WIPI1: variants seen among roughly 807,000 people sequenced by gnomAD.
WIPI1 encodes WD repeat domain, phosphoinositide interacting 1, also known as WD repeat domain phosphoinositide-interacting protein 1.
A neutral mutation model predicts 55.3 loss-of-function variants in WIPI1; 45 were observed. The ratio of observed to expected loss-of-function variants is 0.81; its 90% CI spans 0.64 to 1.04. WIPI1 has a LOEUF of 1.04. WIPI1 is among the 50% of genes least tolerant of loss of function. The pLI, the probability that WIPI1 is intolerant of heterozygous loss-of-function variation, is 0.00. For missense variants in WIPI1, 445 were observed against 559.0 expected, an observed-to-expected ratio of 0.80 and a Z score of 2.06; for synonymous variants, 195 against 217.6, an observed-to-expected ratio of 0.90 and a Z score of 0.92.
At chr17:68,428,380 C>T (rs893844120) in intron 10 of WIPI1, 4 of 172,822 alleles carry the variant, frequency 2.3e-5, no homozygotes, top group African/African-American at 9.6e-5. Context: ...AGGTGTGTGC[C>T]ACCACAACCG....
intron 3 of WIPI1, among the ~76,000 whole-genome samples, chr17:68,446,319 T>C (rs1269204868): frequency 2.0e-5 from 3 of 152,062 alleles, no homozygotes; most frequent in Admixed American, 6.6e-5. Flanking sequence ...TGGCAGGGAC[T>C]ACAGGTGTGC....
At position 68,457,394 on chromosome 17, in the gene WIPI1, G is replaced by A. The variant is rs1435317687; in HGVS notation, c.28C>T (p.Pro10Ser). The A allele has an allele frequency of 5.2e-6, 8 of 1,534,506 alleles. No homozygotes were observed. Among genetic ancestry groups the A allele is most frequent in the Non-Finnish European group, 7.0e-6 (8 of 1,141,956 alleles). ...CTGAGCGCCGACTCAACCCCGCCCG[G>A]GGGAGCGTCCGCGGCCTCGGCCTCC... MEAEAADAP[P>S]GGVESALSCF... The change falls in exon 1 of 13, where the codon CCG (proline) becomes TCG (serine). Residue 10 changes from proline (P) to serine (S), a missense_variant. Physicochemically the swap from Pro to Ser is moderately conservative, Grantham distance 74 (BLOSUM62 -1). Coordinates refer to ENST00000262139, the MANE Select transcript of WIPI1 (RefSeq NM_017983.7).
intron 1 of WIPI1, among the ~76,000 whole-genome samples, chr17:68,453,879 T>C (rs2084582386): frequency 6.6e-6 from 1 of 152,210 alleles, no homozygotes; most frequent in African/African-American, 2.4e-5. Context: ...TTCATACTAG[T>C]AGCTCTCACA....
chr17:68,443,446 G>A (rs1425677254), intron 4 of WIPI1, among the ~76,000 whole-genome samples: 1 of 152,132 alleles, frequency 6.6e-6, no homozygotes, highest in Non-Finnish European at 1.5e-5. Flanking sequence ...TTTTGCCATA[G>A]CTGAAATGTG....
chr17:68,427,499 G>A (rs993882355), intron 10 of WIPI1: 2 of 303,430 alleles, frequency 6.6e-6, no homozygotes, highest in Admixed American at 9.4e-5. Flanking sequence ...TGCGACTACA[G>A]GCACCCACCA....
In WIPI1 at chr17:68,451,252, G is replaced by A. The variant is rs139767225; in HGVS notation, c.164-355C>T. 6.8e-3 allele frequency among the ~76,000 whole-genome samples: 1,035 copies of A among 152,226 alleles called. 14 individuals carry two copies. Among genetic ancestry groups the A allele is most frequent in the African/African-American group, 0.024 (979 of 41,526 alleles). On this transcript the variant is annotated intron_variant, in intron 2 of 12. Coordinates refer to ENST00000262139, the MANE Select transcript of WIPI1 (RefSeq NM_017983.7). ...TCAAGACCAGCCTGGCCAACATGGCGAAACCCCATCTCTACTAAAAATATT... is the reference window on the plus strand; with the variant it reads ...TCAAGACCAGCCTGGCCAACATGGCAAAACCCCATCTCTACTAAAAATATT...
At chr17:68,438,972 A>G (rs192529460) in intron 4 of WIPI1, among the ~76,000 whole-genome samples, 236 of 152,356 alleles carry the variant, frequency 1.5e-3, no homozygotes, top group Middle Eastern at 6.8e-3. Flanking sequence ...TAGGATGACT[A>G]TAGTGAAAAA....
intron 9 of WIPI1, 56 bp from the exon 10 acceptor site, chr17:68,428,992 G>T: frequency 7.3e-7 from 1 of 1,371,320 alleles, no homozygotes. Flanking sequence ...CGATGGATTC[G>T]CTTCCAATGA....
intron 4 of WIPI1, among the ~76,000 whole-genome samples, chr17:68,441,322 T>C (rs535616347): frequency 2.2e-4 from 33 of 152,300 alleles, no homozygotes; most frequent in African/African-American, 7.5e-4. Context: ...AGATACCAAG[T>C]GTGAGGCAAC....
At chr17:68,451,971 G>C (rs1389175582) in intron 2 of WIPI1, among the ~76,000 whole-genome samples, 4 of 152,126 alleles carry the variant, frequency 2.6e-5, no homozygotes, top group Non-Finnish European at 4.4e-5. Context: ...CACAAAAATG[G>C]TGTAATAACA....
At position 68,426,141 on chromosome 17, in the gene WIPI1, T is replaced by G; in HGVS notation, c.1227A>C (p.Glu409Asp). 1 of 1,610,474 alleles carries G rather than the reference T, an allele frequency of 6.2e-7. No homozygotes were observed. Among genetic ancestry groups the G allele is most frequent in the Admixed American group, 1.7e-5 (1 of 59,690 alleles). ...TCGCAAACTCATGTTCAGGAATAACTTCTCCTCGCAGCGCCCCGCCGTCCT... is the reference window on the plus strand; with the variant it reads ...TCGCAAACTCATGTTCAGGAATAACGTCTCCTCGCAGCGCCCCGCCGTCCT... The part of the protein sequence containing the change: ...YSEDGGALRG[E>D]VIPEHEFATG... The change falls in exon 12 of 13, where the codon GAA (glutamate) becomes GAC (aspartate). Residue 409 changes from glutamate (E) to aspartate (D), a missense_variant. Transcript: ENST00000262139.
chr17:68,442,384 G>T (rs896083994), intron 4 of WIPI1, among the ~76,000 whole-genome samples: 1 of 150,266 alleles, frequency 6.7e-6, no homozygotes, highest in Admixed American at 6.7e-5. Flanking sequence ...AGAATCACTT[G>T]AATCCGGGAG....
At chr17:68,455,913 A>C (rs2084635667) in intron 1 of WIPI1, among the ~76,000 whole-genome samples, 1 of 152,214 alleles carries the variant, frequency 6.6e-6, no homozygotes, top group South Asian at 2.1e-4. Flanking sequence ...TCACCCAGGC[A>C]TTTCAACAGC....
chr17:68,434,650 T>A, intron 6 of WIPI1, 24 bp from the exon 7 acceptor site: 1 of 1,613,076 alleles, frequency 6.2e-7, no homozygotes, highest in Admixed American at 1.7e-5. Flanking sequence ...CAGGTGGACA[T>A]TTCATAACCA....
At chr17:68,435,179 C>T (rs2083723755) in intron 6 of WIPI1, among the ~76,000 whole-genome samples, 1 of 150,418 alleles carries the variant, frequency 6.6e-6, no homozygotes, top group Admixed American at 6.7e-5. Context: ...TGCACTCCAG[C>T]CTGGGCGACA....
chr17:68,421,742 G>T lies in WIPI1; in HGVS notation c.*31C>A, dbSNP rs201066118. 326 of 1,614,086 alleles carry T rather than the reference G, an allele frequency of 2.0e-4. No homozygotes were observed. In the Middle Eastern group the frequency reaches 2.1e-3, roughly 11 times the overall value. ...TTTCTCCAAAACCACCTGATAGGGGGGATGTCCTGATTTCTGAGGTGTGCT... is the reference window on the plus strand; with the variant it reads ...TTTCTCCAAAACCACCTGATAGGGGTGATGTCCTGATTTCTGAGGTGTGCT... On this transcript the variant is annotated 3_prime_UTR_variant, in exon 13 of 13. Coordinates refer to ENST00000262139, the MANE Select transcript of WIPI1 (RefSeq NM_017983.7).
At chr17:68,449,666 G>A (rs1229370930) in intron 3 of WIPI1, among the ~76,000 whole-genome samples, 1 of 152,102 alleles carries the variant, frequency 6.6e-6, no homozygotes, top group African/African-American at 2.4e-5. Context: ...GCCTGCTCCC[G>A]CTTTGCCTTC....
chr17:68,450,963 T>A lies in WIPI1; in HGVS notation c.164-66A>T. On this transcript the variant is annotated intron_variant, in intron 2 of 12. Coordinates refer to ENST00000262139, the MANE Select transcript of WIPI1 (RefSeq NM_017983.7). The stretch of plus-strand genomic sequence containing the variant: ...CTTCCAAGAAGGATTCCAGCCTCCA[T>A]GACACTGGGCCCGGCGCAGGCCAGG... 3.2e-6 allele frequency: 5 copies of A among 1,553,812 alleles called. No individual in the cohort carries two copies. In the South Asian group the frequency reaches 5.0e-5, roughly 16 times the overall value.
rs2147678277 is a variant in WIPI1 at position 68,423,011 on chromosome 17, A to G, written c.1294-1191T>C. Reference sequence around the variant, plus strand: ...AGGGAAGTGTCAGTATGTGTTCTGAAAAGATCACTAGTGATGACCCGCGTT... The same window carrying G: ...AGGGAAGTGTCAGTATGTGTTCTGAGAAGATCACTAGTGATGACCCGCGTT... On this transcript the variant is annotated intron_variant, in intron 12 of 12. Transcript: ENST00000262139. The surrounding 1 kb of genome is among the most constrained non-coding windows in gnomAD (Gnocchi z 4.4). Among the ~76,000 whole-genome samples, 1 of 152,286 alleles carries G rather than the reference A, an allele frequency of 6.6e-6. No homozygotes were observed. The highest frequency in any genetic ancestry group is 2.1e-4 in the South Asian group (1 of 4,828).
Sources: gnomAD v4.1 joint callset for allele counts (sites outside exome capture counted in the v4.1 genomes callset) on GRCh38, gnomAD v4.1.1 for gene constraint, Gnocchi (gnomAD v3.1) non-coding constraint, MANE v1.5 for transcripts, NCBI Gene and HGNC (gene_info 2026-07-23, HGNC 2026-07-21) for gene names.